Variants in WNT2 observed in about 807,000 individuals in gnomAD.
WNT2 encodes the protein protein Wnt-2.
WNT2 carries 12 observed loss-of-function variants against 36.9 expected under a neutral mutation model. The ratio of observed to expected loss-of-function variants is 0.33; its 90% CI spans 0.21 to 0.53. The LOEUF (loss-of-function observed/expected upper bound fraction) is 0.53. Among genes scored for constraint, WNT2 ranks in the 20% least tolerant of loss-of-function variants. The pLI is 0.95. For missense variants in WNT2, 379 were observed against 473.1 expected, an observed-to-expected ratio of 0.80 and a Z score of 1.84; for synonymous variants, 163 against 174.6, an observed-to-expected ratio of 0.93 and a Z score of 0.52.
intron 4 of WNT2, among the ~76,000 whole-genome samples, chr7:117,283,825 C>G (rs764554444): frequency 1.1e-4 from 16 of 152,192 alleles, no homozygotes; most frequent in Non-Finnish European, 1.9e-4. Flanking sequence ...TCTGAACATG[C>G]CACTCTCCAC....
chr7:117,287,557 CA>C (rs1055283805), intron 4 of WNT2, among the ~76,000 whole-genome samples: 6 of 152,102 alleles, frequency 3.9e-5, no homozygotes, highest in African/African-American at 7.2e-5. Context: ...AATATTTGAT[CA>C]TTTTTTCATG....
rs1274470033 is a variant in WNT2 at position 117,297,665 on chromosome 7, T to A, written c.800A>T (p.Asp267Val). ...NERFKKPTKNDLVYFENSPDY... is the reference protein window; with the variant it reads ...NERFKKPTKNVLVYFENSPDY... ...TGGAGAATTCTCAAAATACACGAGGTCATTTTTCGTTGGCTTCTTAAACCT... is the reference window on the plus strand; with the variant it reads ...TGGAGAATTCTCAAAATACACGAGGACATTTTTCGTTGGCTTCTTAAACCT... Residue 267 changes from aspartate to valine, a missense_variant, in exon 4 of 5, where the codon GAC (aspartate) becomes GTC (valine). Physicochemically the swap from Asp to Val is radical, Grantham distance 152. Transcript: ENST00000265441. 1.2e-6 allele frequency: 2 copies of A among 1,613,862 alleles called. No individual in the cohort carries two copies. Among genetic ancestry groups the A allele is most frequent in the African/African-American group, 2.7e-5 (2 of 74,870 alleles).
chr7:117,315,424 A>G, intron 2 of WNT2, 76 bp from the exon 3 acceptor site: 1 of 1,450,460 alleles, frequency 6.9e-7, no homozygotes, highest in Non-Finnish European at 9.2e-7. Context: ...CAATTGTTTA[A>G]TATTTGCTCT....
chr7:117,278,497 C>A, intron 4 of WNT2, 113 bp from the exon 5 acceptor site: 1 of 1,044,038 alleles, frequency 9.6e-7, no homozygotes, highest in Non-Finnish European at 1.4e-6. Flanking sequence ...CCCTCTCTTC[C>A]TACAGCCTGG....
chr7:117,299,177 T>C (rs886622092), intron 3 of WNT2, among the ~76,000 whole-genome samples: 9 of 152,150 alleles, frequency 5.9e-5, no homozygotes, highest in African/African-American at 2.2e-4. Context: ...CCCCCATCTT[T>C]ATATTATGAG....
chr7:117,306,615 A>C (rs1291330217), intron 3 of WNT2, among the ~76,000 whole-genome samples: 3 of 152,114 alleles, frequency 2.0e-5, no homozygotes. Flanking sequence ...GGTCGCTGTC[A>C]AGATTCCATT....
Position 117,277,690 on chromosome 7 carries a change from C to A in WNT2, c.*465G>T, listed in dbSNP as rs909335686. ...GTCTTTTCAAAAGTTAAAGTTAAGT[C>A]AGGGGCAGTTGATTCTGCTTTCTTT... is the stretch of plus-strand genomic sequence containing the variant. On this transcript the variant is annotated 3_prime_UTR_variant, in exon 5 of 5. Coordinates refer to ENST00000265441, the MANE Select transcript of WNT2 (RefSeq NM_003391.3). 1.2e-5 allele frequency: 2 copies of A among 164,134 alleles called. No individual in the cohort carries two copies. Among genetic ancestry groups the A allele is most frequent in the African/African-American group, 2.4e-5 (1 of 41,714 alleles). The allele number at this position is 164,134 out of a possible 1,614,324, so 10.2% of individuals were successfully genotyped here. A position where few individuals can be genotyped will look rare whatever the true frequency, so the allele number is the denominator to read the frequency against.
chr7:117,307,352 A>T (rs1381266128), intron 3 of WNT2, among the ~76,000 whole-genome samples: 1 of 152,214 alleles, frequency 6.6e-6, no homozygotes, highest in Admixed American at 6.5e-5. Flanking sequence ...TTTATAGATA[A>T]GAATATTGAA....
At chr7:117,288,542 C>T (rs139345396) in intron 4 of WNT2, among the ~76,000 whole-genome samples, 5 of 152,138 alleles carry the variant, frequency 3.3e-5, no homozygotes, top group South Asian at 2.1e-4. Flanking sequence ...AGTATTTTAA[C>T]GTCATCCTTT....
At chr7:117,306,199 C>T (rs1048612464) in intron 3 of WNT2, among the ~76,000 whole-genome samples, 2 of 152,054 alleles carry the variant, frequency 1.3e-5, no homozygotes, top group African/African-American at 4.8e-5. Context: ...CAATTTAAAC[C>T]CTTTTTTTTC....
At chr7:117,305,055 G>A (rs545872380) in intron 3 of WNT2, among the ~76,000 whole-genome samples, 1 of 152,286 alleles carries the variant, frequency 6.6e-6, no homozygotes, top group African/African-American at 2.4e-5. Flanking sequence ...TGGCTCCCTT[G>A]CTGCAGGGGC....
chr7:117,309,799 A>T (rs1226905965), intron 3 of WNT2, among the ~76,000 whole-genome samples: 5 of 152,188 alleles, frequency 3.3e-5, no homozygotes, highest in Non-Finnish European at 7.3e-5. Flanking sequence ...ATTAACTATC[A>T]TGTTGAAAAT....
intron 4 of WNT2, among the ~76,000 whole-genome samples, chr7:117,287,761 G>A (rs530918710): frequency 1.3e-5 from 2 of 152,226 alleles, no homozygotes; most frequent in Admixed American, 6.5e-5. Flanking sequence ...GTCAAGGTGG[G>A]CAGATCACTT....
At chr7:117,294,787 T>A (rs1358329231) in intron 4 of WNT2, among the ~76,000 whole-genome samples, 2 of 152,082 alleles carry the variant, frequency 1.3e-5, no homozygotes, top group African/African-American at 4.8e-5. Flanking sequence ...CAGAGTAAAA[T>A]CGTTGTTGAA....
intron 3 of WNT2, among the ~76,000 whole-genome samples, chr7:117,307,441 A>C (rs182604775): frequency 1.2e-3 from 188 of 152,350 alleles, no homozygotes; most frequent in African/African-American, 4.4e-3. Flanking sequence ...ATATAAGCCA[A>C]GCCTGTCTGA....
chr7:117,306,430 T>C (rs1219581632), intron 3 of WNT2, among the ~76,000 whole-genome samples: 1 of 152,216 alleles, frequency 6.6e-6, no homozygotes, highest in Non-Finnish European at 1.5e-5. Flanking sequence ...AGAATTAGAA[T>C]AAGAATCAAT....
At position 117,278,227 on chromosome 7, in the gene WNT2, C is replaced by T. The variant is rs1794416013; in HGVS notation, c.1011G>A (p.Gln337=). 2 of 1,614,094 alleles carry T rather than the reference C, an allele frequency of 1.2e-6. No individual in the cohort carries two copies. The highest frequency in any genetic ancestry group is 2.7e-5 in the African/African-American group (2 of 74,930). ...KFHWCCAVRC[Q]DCLEALDVHT... ...GCACATCCAGAGCTTCCAGGCAGTCCTGACAGCGCACGGCGCAGCACCAGT... is the reference window on the plus strand; with the variant it reads ...GCACATCCAGAGCTTCCAGGCAGTCTTGACAGCGCACGGCGCAGCACCAGT... The change falls in exon 5 of 5, where the codon CAG becomes CAA. Residue 337 remains glutamine (Q), a synonymous_variant. Transcript: ENST00000265441.
intron 4 of WNT2, among the ~76,000 whole-genome samples, chr7:117,289,263 T>C (rs997559302): frequency 6.6e-6 from 1 of 152,024 alleles, no homozygotes; most frequent in Non-Finnish European, 1.5e-5. Context: ...TTTCCCCGTG[T>C]TAGCCAGGAT....
In WNT2 at chr7:117,323,033, G is replaced by A. The variant is rs780398719; in HGVS notation, c.-44C>T. 6.4e-7 allele frequency: 1 copy of A among 1,553,046 alleles called. No homozygotes were observed. The highest frequency in any genetic ancestry group is 1.9e-5 in the Admixed American group (1 of 53,388). ...GCATCAGGTCAGACTCCGTGTGCGGGCGCCATGCGTGCCCAGAGCAGAAGC... is the reference window on the plus strand; with the variant it reads ...GCATCAGGTCAGACTCCGTGTGCGGACGCCATGCGTGCCCAGAGCAGAAGC... On this transcript the variant is annotated 5_prime_UTR_variant, in exon 1 of 5. Transcript: ENST00000265441.
Sources: allele counts gnomAD v4.1 joint callset (sites outside exome capture counted in the v4.1 genomes callset), GRCh38; gene constraint gnomAD v4.1.1; transcripts MANE v1.5; gene names NCBI Gene and HGNC (gene_info 2026-07-23, HGNC 2026-07-21).